Variants in PRDM16 observed in about 807,000 individuals in gnomAD.
PRDM16 encodes PR/SET domain 16, also known as histone-lysine N-methyltransferase PRDM16.
In PRDM16, 23 loss-of-function variants were observed where a neutral mutation model predicts 110.6. The ratio of observed to expected loss-of-function variants is 0.21; its 90% CI spans 0.15 to 0.29. The LOEUF (loss-of-function observed/expected upper bound fraction) is 0.29. PRDM16 is among the 10% of genes least tolerant of loss of function. PRDM16 has a pLI of 1.00. For synonymous variants in PRDM16, 799 were observed against 781.8 expected, an observed-to-expected ratio of 1.02 and a Z score of -0.37; for missense variants, 1,615 against 1,794.3, an observed-to-expected ratio of 0.90 and a Z score of 1.81.
At chr1:3,113,560 C>T (rs1028592468) in intron 1 of PRDM16, among the ~76,000 whole-genome samples, 2 of 152,186 alleles carry the variant, frequency 1.3e-5, no homozygotes, top group Admixed American at 1.3e-4. Flanking sequence ...GCGGGAGGGG[C>T]CTGCGTCCAT....
chr1:3,071,786 C>T (rs1641768377), intron 1 of PRDM16, among the ~76,000 whole-genome samples: 1 of 152,148 alleles, frequency 6.6e-6, no homozygotes, highest in Non-Finnish European at 1.5e-5. Context: ...GGTATTCAGG[C>T]TGGGCACAGA....
intron 2 of PRDM16, among the ~76,000 whole-genome samples, chr1:3,240,531 G>A (rs1442261109): frequency 6.6e-6 from 1 of 152,204 alleles, no homozygotes; most frequent in Non-Finnish European, 1.5e-5. Flanking sequence ...GGTCCCTCAT[G>A]GGCCTCAGCC....
In PRDM16 at chr1:3,209,326, G is replaced by A. The variant is rs1440244682; in HGVS notation, c.387+22852G>A. On this transcript the variant is annotated intron_variant, in intron 2 of 16. Coordinates refer to ENST00000270722, the MANE Select transcript of PRDM16 (RefSeq NM_022114.4). This position sits in a 1 kb window ranked among gnomAD's most constrained non-coding sequence, Gnocchi z 4.6. ...ACTGTGGGCAGGGACAGCACTGCAC[G>A]TTTGACATCGGGGCACGCAGCTCCG... Among the ~76,000 whole-genome samples, 2 of 152,214 alleles carry A rather than the reference G, an allele frequency of 1.3e-5. No individual in the cohort carries two copies. The highest frequency in any genetic ancestry group is 4.8e-5 in the African/African-American group (2 of 41,458).
intron 12 of PRDM16, among the ~76,000 whole-genome samples, chr1:3,423,978 G>A (rs1638513278): frequency 6.6e-6 from 1 of 152,238 alleles, no homozygotes; most frequent in Admixed American, 6.5e-5. Flanking sequence ...GCACACACAA[G>A]TGTGCACACA....
intron 3 of PRDM16, among the ~76,000 whole-genome samples, chr1:3,355,843 C>T (rs1261544410): frequency 6.6e-6 from 1 of 152,164 alleles, no homozygotes; most frequent in African/African-American, 2.4e-5. Context: ...GTCCTGCCCG[C>T]CCAGCCTGTG....
intron 1 of PRDM16, among the ~76,000 whole-genome samples, chr1:3,150,389 C>CAA (rs34595741): frequency 0.02 from 2,126 of 104,458 alleles, 74 homozygotes; most frequent in East Asian, 0.15. Flanking sequence ...AACCCCATCT[C>CAA]AAAAAAAAAA....
rs746430847 is a variant in PRDM16 at position 3,382,491 on chromosome 1, T to C, written c.439-2661T>C. ...CTGCAGAAGCTGGTAACACAGAGGC[T>C]GTCTCCCTGGGAACCTGCCCTGAGT... is the stretch of plus-strand genomic sequence containing the variant. On this transcript the variant is annotated intron_variant, in intron 3 of 16. Coordinates refer to ENST00000270722, the MANE Select transcript of PRDM16 (RefSeq NM_022114.4). The surrounding 1 kb of genome is among the most constrained non-coding windows in gnomAD (Gnocchi z 6.6). Among the ~76,000 whole-genome samples, 12 of 152,206 alleles carry C rather than the reference T, an allele frequency of 7.9e-5. No individual in the cohort carries two copies. Among genetic ancestry groups the C allele is most frequent in the Admixed American group, 6.5e-5 (1 of 15,280 alleles).
At chr1:3,162,622 G>A (rs372106165) in intron 1 of PRDM16, among the ~76,000 whole-genome samples, 39 of 152,350 alleles carry the variant, frequency 2.6e-4, no homozygotes, top group African/African-American at 9.4e-4. Flanking sequence ...GAATCATTTA[G>A]GATTGACAGC....
intron 2 of PRDM16, among the ~76,000 whole-genome samples, chr1:3,241,939 C>T (rs1639683894): frequency 6.6e-6 from 1 of 152,176 alleles, no homozygotes; most frequent in South Asian, 2.1e-4. Flanking sequence ...TAGCCCCCTC[C>T]GAATGTGAGG....
chr1:3,383,515 C>A (rs147078415), intron 3 of PRDM16, among the ~76,000 whole-genome samples: 15 of 152,308 alleles, frequency 9.8e-5, no homozygotes, highest in African/African-American at 3.6e-4. Context: ...GAGGGAACAC[C>A]ATGCACAGAG....
chr1:3,075,168 C>T (rs918033586), intron 1 of PRDM16, among the ~76,000 whole-genome samples: 16 of 152,234 alleles, frequency 1.1e-4, no homozygotes, highest in African/African-American at 2.9e-4. Context: ...GAGTGCTGGC[C>T]GCTCCAAGAT....
Position 3,069,322 on chromosome 1 carries a change from C to G in PRDM16, c.37+26C>G, listed in dbSNP as rs1159754536. 1.0e-5 allele frequency: 13 copies of G among 1,246,478 alleles called. No homozygotes were observed. Among genetic ancestry groups the G allele is most frequent in the Non-Finnish European group, 1.2e-5 (12 of 968,348 alleles). The allele number at this position is 1,246,478 out of a possible 1,614,324, so 77.2% of individuals were successfully genotyped here. On this transcript the variant is annotated intron_variant, in intron 1 of 16. Coordinates refer to ENST00000270722, the MANE Select transcript of PRDM16 (RefSeq NM_022114.4). This position sits in a 1 kb window ranked among gnomAD's most constrained non-coding sequence, Gnocchi z 6.1. Reference sequence around the variant, plus strand: ...GTAAGTCTCCCGCGCTCGGCCGCGCCGCGCCGCCGGGGCCCGGGCCGCCGG... The same window carrying G: ...GTAAGTCTCCCGCGCTCGGCCGCGCGGCGCCGCCGGGGCCCGGGCCGCCGG...
At chr1:3,270,044 G>GAGAGTCCCAGAGGA (rs1360823489) in intron 3 of PRDM16, among the ~76,000 whole-genome samples, 15 of 149,466 alleles carry the variant, frequency 1.0e-4, no homozygotes, top group African/African-American at 3.7e-4. Context: ...CCTGGAAGAG[G>GAGAGTCCCAGAGGA]TGAGTCCCGG....
chr1:3,352,379 G>C (rs566094065), intron 3 of PRDM16, among the ~76,000 whole-genome samples: 67 of 152,258 alleles, frequency 4.4e-4, no homozygotes, highest in Admixed American at 1.2e-3. Flanking sequence ...TCTCCCCCCA[G>C]ATGCTCTCCA....
intron 3 of PRDM16, among the ~76,000 whole-genome samples, chr1:3,354,765 C>T (rs1161470274): frequency 6.6e-6 from 1 of 152,188 alleles, no homozygotes; most frequent in Non-Finnish European, 1.5e-5. Flanking sequence ...ACGTCTAAAT[C>T]CTGACCCAGG....
chr1:3,266,868 G>A (rs1360892721), intron 3 of PRDM16, among the ~76,000 whole-genome samples: 1 of 152,006 alleles, frequency 6.6e-6, no homozygotes, highest in Admixed American at 6.6e-5. Context: ...AGTAGAGACC[G>A]GATTTTGCCG....
At chr1:3,250,806 AAAG>A (rs1639912894) in intron 3 of PRDM16, among the ~76,000 whole-genome samples, 1 of 152,158 alleles carries the variant, frequency 6.6e-6, no homozygotes, top group Non-Finnish European at 1.5e-5. Context: ...TGTGTCAGTG[AAAG>A]AAGAGCCTGG....
intron 1 of PRDM16, among the ~76,000 whole-genome samples, chr1:3,121,653 G>A (rs536599909): frequency 2.6e-5 from 4 of 152,372 alleles, no homozygotes; most frequent in South Asian, 4.1e-4. Flanking sequence ...AGGCTGTGCC[G>A]AGGAAGGGGA....
chr1:3,391,411 A>C (rs573107994), intron 4 of PRDM16, among the ~76,000 whole-genome samples: 252 of 152,250 alleles, frequency 1.7e-3, no homozygotes, highest in African/African-American at 5.8e-3. Context: ...CGCTACGCAA[A>C]CCACCTGTCA....
Sources: allele counts gnomAD v4.1 joint callset (sites outside exome capture counted in the v4.1 genomes callset), GRCh38; gene constraint gnomAD v4.1.1; non-coding constraint Gnocchi (gnomAD v3.1); transcripts MANE v1.5; gene names NCBI Gene and HGNC (gene_info 2026-07-23, HGNC 2026-07-21).